The following CRTAP variants were observed in gnomAD, a reference collection of about 807,000 sequenced individuals.
CRTAP encodes cartilage associated protein, also known as cartilage-associated protein.
Under a neutral mutation model 42.7 loss-of-function variants are expected in CRTAP, and 33 were observed. That is an observed-to-expected ratio of 0.77 (90% confidence interval 0.59 to 1.03). CRTAP has a LOEUF of 1.03. Among genes scored for constraint, CRTAP ranks in the 50% least tolerant of loss-of-function variants. The pLI is 0.00. For synonymous variants in CRTAP, 243 were observed against 217.7 expected, an observed-to-expected ratio of 1.12 and a Z score of -1.02; for missense variants, 613 against 533.9, an observed-to-expected ratio of 1.15 and a Z score of -1.46.
intron 1 of CRTAP, among the ~76,000 whole-genome samples, chr3:33,119,912 T>C (rs58995409): frequency 0.18 from 27,963 of 152,050 alleles, 3,785 homozygotes; most frequent in East Asian, 0.58. Flanking sequence ...AGAACTGTGA[T>C]CTTCAATTAA....
intron 5 of CRTAP, 61 bp from the exon 6 acceptor site, chr3:33,134,121 C>A: frequency 8.8e-7 from 1 of 1,141,214 alleles, no homozygotes; most frequent in Non-Finnish European, 1.3e-6. Flanking sequence ...GTTCCTCCCT[C>A]CTCCCAGTTC....
rs11316535 is a variant in CRTAP, at chr3:33,133,261, C to CT, written c.1068+576dup. Among the ~76,000 whole-genome samples, 91 of 134,482 alleles carry CT rather than the reference C, an allele frequency of 6.8e-4. 1 individual carries two copies. In the South Asian group the frequency reaches 8.0e-3, roughly 12 times the overall value. 88.2% of individuals were successfully genotyped at this position (134,482 alleles called of 152,430 possible). ...TCGTAATCCTACACCTTCTCTCTCTCTTTTTTTTTTTTTTTGAGACAGAGT... is the reference window on the plus strand; with the variant it reads ...TCGTAATCCTACACCTTCTCTCTCTCTTTTTTTTTTTTTTTTGAGACAGAGT... On this transcript the variant is annotated intron_variant, in intron 5 of 6. Coordinates refer to ENST00000320954, the MANE Select transcript of CRTAP (RefSeq NM_006371.5).
intron 5 of CRTAP, among the ~76,000 whole-genome samples, chr3:33,133,156 A>G (rs891104905): frequency 6.6e-6 from 1 of 152,202 alleles, no homozygotes; most frequent in African/African-American, 2.4e-5. Flanking sequence ...AATTTCAAAC[A>G]TTACAGAAAT....
Position 33,120,377 on chromosome 3 carries a change from C to T in CRTAP, c.505C>T (p.His169Tyr). The change falls in exon 2 of 7, where the codon CAC becomes TAC. Residue 169 changes from histidine (H) to tyrosine (Y), a missense_variant. His to Tyr is a moderately conservative substitution (Grantham distance 83). Coordinates refer to ENST00000320954, the MANE Select transcript of CRTAP (RefSeq NM_006371.5). ...NNLPKAIAAA[H>Y]TFLLKHPDDE... ...TCTCCCCAAAGCCATCGCCGCTGCT[C>T]ACACCTTTCTACTGAAGCATCCTGA... 2 of 1,614,190 alleles carry T rather than the reference C, an allele frequency of 1.2e-6. No homozygotes were observed. The highest frequency in any genetic ancestry group is 1.3e-5 in the African/African-American group (1 of 75,062).
Position 33,144,047 on chromosome 3 carries a change from T to C in CRTAP, c.*1599T>C, listed in dbSNP as rs923752762. 1 of 152,222 alleles carries C rather than the reference T, an allele frequency of 6.6e-6. No homozygotes were observed. The highest frequency in any genetic ancestry group is 1.5e-5 in the Non-Finnish European group (1 of 68,068). 9.4% of individuals were successfully genotyped at this position (152,222 alleles called of 1,614,324 possible). ...CTAGCTGCCATATTGTGAAAAACTT[T>C]AGTGGACAAGGGCAGAAGGAAGAGG... On this transcript the variant is annotated 3_prime_UTR_variant, in exon 7 of 7. Coordinates refer to ENST00000320954, the MANE Select transcript of CRTAP (RefSeq NM_006371.5).
Position 33,134,258 on chromosome 3 carries a change from A to G in CRTAP, c.1145A>G (p.Asp382Gly). 1 of 1,599,200 alleles carries G rather than the reference A, an allele frequency of 6.3e-7. No individual in the cohort carries two copies. The highest frequency in any genetic ancestry group is 8.6e-7 in the Non-Finnish European group (1 of 1,166,300). ...TTTGCTAAGGAAAATATAATGGATG[A>G]TGATGAGGTAAGTTTTCATGCTTAG... ...YDFAKENIMD[D>G]DEGEVVEYVD... Residue 382 changes from aspartate to glycine, a missense_variant, in exon 6 of 7, where the codon GAT becomes GGT. By Grantham distance (94) the Asp-to-Gly change is moderately conservative. Coordinates refer to ENST00000320954, the MANE Select transcript of CRTAP (RefSeq NM_006371.5).
chr3:33,114,505 A>G lies in CRTAP; in HGVS notation c.428A>G (p.Gln143Arg), dbSNP rs762979572. The change falls in exon 1 of 7, where the codon CAG becomes CGG. Residue 143 changes from glutamine (Q) to arginine (R), a missense_variant. Gln to Arg is a conservative substitution (Grantham distance 43, BLOSUM62 1). Transcript: ENST00000320954. ...QPSREVLADF[Q>R]RREPYKFLQF... is the part of the protein sequence containing the mutation. The stretch of plus-strand genomic sequence containing the variant: ...AGCCGCGAGGTGCTGGCGGACTTCC[A>G]GCGCCGCGAGCCCTACAAGTTCCTG... 3 of 1,603,538 alleles carry G rather than the reference A, an allele frequency of 1.9e-6. No individual in the cohort carries two copies. The highest frequency in any genetic ancestry group is 1.3e-5 in the African/African-American group (1 of 74,712).
rs988765973 is a variant in CRTAP at position 33,132,979 on chromosome 3, G to A, written c.1068+279G>A. Among the ~76,000 whole-genome samples the A allele has an allele frequency of 5.2e-4, 62 of 118,336 alleles. 1 individual carries two copies. The highest frequency in any genetic ancestry group is 1.9e-3 in the African/African-American group (54 of 28,178). The allele number at this position is 118,336 out of a possible 152,430, so 77.6% of individuals were successfully genotyped here. On this transcript the variant is annotated intron_variant, in intron 5 of 6. Transcript: ENST00000320954. Reference sequence around the variant, plus strand: ...TGTAGTCCCAGCTACTTGGGAGGCTGAGGCAGAAGAATCGCTTGAACCCAG... The same window carrying A: ...TGTAGTCCCAGCTACTTGGGAGGCTAAGGCAGAAGAATCGCTTGAACCCAG...
At chr3:33,114,910 A>G (rs1490391615) in intron 1 of CRTAP, among the ~76,000 whole-genome samples, 1 of 152,176 alleles carries the variant, frequency 6.6e-6, no homozygotes, top group African/African-American at 2.4e-5. Context: ...ACTTGCGATA[A>G]TAAAGCAGAA....
At chr3:33,134,704 T>A (rs965091207) in intron 6 of CRTAP, among the ~76,000 whole-genome samples, 1 of 152,274 alleles carries the variant, frequency 6.6e-6, no homozygotes, top group Non-Finnish European at 1.5e-5. Context: ...AAATTCCTGA[T>A]TCCACCTTAC....
chr3:33,136,702 A>G (rs1461411978), intron 6 of CRTAP, among the ~76,000 whole-genome samples: 3 of 152,182 alleles, frequency 2.0e-5, no homozygotes, highest in South Asian at 2.1e-4. Context: ...CGTATGTCAC[A>G]TGGCAAGAGC....
At position 33,120,367 on chromosome 3, in the gene CRTAP, C is replaced by T. The variant is rs962349827; in HGVS notation, c.495C>T (p.Ile165=). 1.8e-5 allele frequency: 29 copies of T among 1,614,006 alleles called. No homozygotes were observed. The highest frequency in any genetic ancestry group is 1.6e-4 in the Middle Eastern group (1 of 6,084). ...AGGCAAATAATCTCCCCAAAGCCATCGCCGCTGCTCACACCTTTCTACTGA... is the reference window on the plus strand; with the variant it reads ...AGGCAAATAATCTCCCCAAAGCCATTGCCGCTGCTCACACCTTTCTACTGA... ...YFKANNLPKA[I]AAAHTFLLKH... is the part of the protein sequence containing the mutation. The change falls in exon 2 of 7, where the codon ATC becomes ATT. Residue 165 remains isoleucine (I), a synonymous_variant. Coordinates refer to ENST00000320954, the MANE Select transcript of CRTAP (RefSeq NM_006371.5).
intron 4 of CRTAP, among the ~76,000 whole-genome samples, 174 bp downstream of exon 4, chr3:33,130,241 G>A (rs1452717026): frequency 2.0e-5 from 3 of 152,226 alleles, no homozygotes; most frequent in Non-Finnish European, 4.4e-5. Context: ...GGCAGAGCCT[G>A]TAACCACAGT....
intron 3 of CRTAP, 27 bp downstream of exon 3, chr3:33,124,606 A>C (rs2030008360): frequency 1.2e-6 from 2 of 1,612,912 alleles, no homozygotes; most frequent in Non-Finnish European, 1.7e-6. Flanking sequence ...TAGGCTCACT[A>C]CTCCCATGGA....
At position 33,132,698 on chromosome 3, in the gene CRTAP, C is replaced by A. The variant is rs1358858887; in HGVS notation, c.1066C>A (p.Pro356Thr). 1 of 1,613,884 alleles carries A rather than the reference C, an allele frequency of 6.2e-7. No homozygotes were observed. The highest frequency in any genetic ancestry group is 8.5e-7 in the Non-Finnish European group (1 of 1,179,896). ...CTCGGATGAGCACTTCCAGCCCAGA[C>A]CTGTAAGTCTGGTGCACCACACCTT... Reference protein sequence around the residue: ...GLSDEHFQPRPEAVQFFNVTT... With the variant: ...GLSDEHFQPRTEAVQFFNVTT... The change falls in exon 5 of 7, where the codon CCT becomes ACT. Residue 356 changes from proline (P) to threonine (T), a missense_variant and splice_region_variant. Pro to Thr is a conservative substitution (Grantham distance 38). Transcript: ENST00000320954.
At chr3:33,129,391 G>GT (rs1575517696) in intron 3 of CRTAP, among the ~76,000 whole-genome samples, 1 of 151,822 alleles carries the variant, frequency 6.6e-6, no homozygotes, top group African/African-American at 2.4e-5. Flanking sequence ...GTCTCTCAAT[G>GT]TTTTTTAGAC....
At chr3:33,132,855 G>A (rs146506319) in intron 5 of CRTAP, among the ~76,000 whole-genome samples, 155 bp downstream of exon 5, 10 of 152,192 alleles carry the variant, frequency 6.6e-5, no homozygotes, top group Middle Eastern at 3.4e-3. Context: ...CGAGGCGGGC[G>A]GATCATGATG....
At chr3:33,139,475 A>ATTTT (rs554392214) in intron 6 of CRTAP, among the ~76,000 whole-genome samples, 2 of 139,144 alleles carry the variant, frequency 1.4e-5, no homozygotes, top group African/African-American at 5.3e-5. Flanking sequence ...AATTCGTTGA[A>ATTTT]TTTTTTTTTT....
intron 3 of CRTAP, among the ~76,000 whole-genome samples, chr3:33,126,297 C>A (rs1186159710): frequency 6.6e-6 from 1 of 152,198 alleles, no homozygotes; most frequent in African/African-American, 2.4e-5. Context: ...AGTTGGTTAT[C>A]TTTTATGGCT....
Sources: gnomAD v4.1 joint callset for allele counts (sites outside exome capture counted in the v4.1 genomes callset) on GRCh38, gnomAD v4.1.1 for gene constraint, MANE v1.5 for transcripts, NCBI Gene and HGNC (gene_info 2026-07-23, HGNC 2026-07-21) for gene names.